The following GATAD2B variants were observed in gnomAD, a reference collection of about 807,000 sequenced individuals.
GATAD2B encodes the protein transcriptional repressor p66-beta.
Under a neutral mutation model 64.3 loss-of-function variants are expected in GATAD2B, and 8 were observed. That is an observed-to-expected ratio of 0.12 (90% CI 0.07 to 0.22). The LOEUF is 0.22. Ranked by LOEUF, GATAD2B falls within the 10% of genes least tolerant of loss-of-function variation. GATAD2B has a pLI of 1.00. For missense variants in GATAD2B, 453 were observed against 752.0 expected (o/e 0.60, Z 4.65); for synonymous variants, 281 against 271.3 (o/e 1.04, Z -0.35).
chr1:153,819,580 A>C (rs1489764008), intron 3 of GATAD2B, 26 bp downstream of exon 3: 1 of 1,530,308 alleles, frequency 6.5e-7, no homozygotes, highest in East Asian at 2.3e-5. Flanking sequence ...CATAACAAGA[A>C]GAAAGAAATT....
intron 1 of GATAD2B, among the ~76,000 whole-genome samples, chr1:153,898,306 C>CA (rs11373311): frequency 0.53 from 42,764 of 80,398 alleles, 9,178 homozygotes; most frequent in South Asian, 0.65. Context: ...CAGCCTGTCT[C>CA]AAAAAAAAAA....
intron 1 of GATAD2B, among the ~76,000 whole-genome samples, chr1:153,914,947 G>C (rs1404695992): frequency 6.6e-6 from 1 of 152,114 alleles, no homozygotes; most frequent in Admixed American, 6.6e-5. Flanking sequence ...AAAAAGGCCA[G>C]GAGCAGTGGC....
chr1:153,829,692 C>T (rs1303732500), intron 1 of GATAD2B, among the ~76,000 whole-genome samples: 2 of 152,074 alleles, frequency 1.3e-5, no homozygotes, highest in Non-Finnish European at 2.9e-5. Context: ...GCTGAGATCT[C>T]GCCACTGCAC....
At chr1:153,896,844 A>G (rs935137666) in intron 1 of GATAD2B, among the ~76,000 whole-genome samples, 11 of 152,062 alleles carry the variant, frequency 7.2e-5, no homozygotes, top group African/African-American at 2.7e-4. Flanking sequence ...ACATCCATAA[A>G]TTTCTTAAGG....
chr1:153,811,678 A>G, intron 10 of GATAD2B, 53 bp downstream of exon 10: 1 of 1,069,454 alleles, frequency 9.4e-7, no homozygotes, highest in Non-Finnish European at 1.5e-6. Context: ...ACAGAACTGT[A>G]TACTAACTAA....
intron 1 of GATAD2B, among the ~76,000 whole-genome samples, chr1:153,870,712 T>C (rs1009551179): frequency 2.0e-5 from 3 of 152,236 alleles, no homozygotes; most frequent in African/African-American, 7.2e-5. Context: ...TTAAGGTATA[T>C]ATGAAACAAA....
chr1:153,883,806 T>A (rs747631658), intron 1 of GATAD2B, among the ~76,000 whole-genome samples: 1 of 152,062 alleles, frequency 6.6e-6, no homozygotes, highest in Non-Finnish European at 1.5e-5. Flanking sequence ...ATCTTCAACA[T>A]TGTAGAGGCT....
intron 1 of GATAD2B, among the ~76,000 whole-genome samples, chr1:153,916,192 A>C (rs547004735): frequency 6.6e-6 from 1 of 151,562 alleles, no homozygotes; most frequent in Non-Finnish European, 1.5e-5. Flanking sequence ...GAAGCAGAAC[A>C]ATCACTTGAA....
intron 1 of GATAD2B, chr1:153,914,614 C>T (rs1434099051): frequency 6.6e-6 from 1 of 152,148 alleles, no homozygotes; most frequent in East Asian, 1.9e-4. Flanking sequence ...AGGCACCATG[C>T]TAGGCAATGG....
At chr1:153,855,485 C>T (rs1374014188) in intron 1 of GATAD2B, among the ~76,000 whole-genome samples, 3 of 152,176 alleles carry the variant, frequency 2.0e-5, no homozygotes, top group Non-Finnish European at 4.4e-5. Flanking sequence ...CACCTTCCCC[C>T]TCCCAAAGTG....
chr1:153,848,417 G>A (rs766071507), intron 1 of GATAD2B, among the ~76,000 whole-genome samples: 4 of 152,052 alleles, frequency 2.6e-5, no homozygotes, highest in Non-Finnish European at 4.4e-5. Context: ...CTTCCTTCTT[G>A]AACTGCTTTC....
At chr1:153,917,136 T>C (rs1032057433) in intron 1 of GATAD2B, among the ~76,000 whole-genome samples, 6 of 149,628 alleles carry the variant, frequency 4.0e-5, no homozygotes, top group African/African-American at 1.5e-4. Flanking sequence ...TCACACGCTG[T>C]CACCCAGGCT....
chr1:153,911,274 GAA>G (rs149596779), intron 1 of GATAD2B, among the ~76,000 whole-genome samples: 1,735 of 152,050 alleles, frequency 0.011, 16 homozygotes, highest in Non-Finnish European at 0.017. Flanking sequence ...TTTTTTTAAA[GAA>G]AGACAGAGAG....
intron 2 of GATAD2B, among the ~76,000 whole-genome samples, chr1:153,822,854 C>T (rs1414420339): frequency 6.6e-6 from 1 of 151,868 alleles, no homozygotes; most frequent in African/African-American, 2.4e-5. Context: ...ACTCTGTCAC[C>T]CAGGAAGGAG....
intron 1 of GATAD2B, among the ~76,000 whole-genome samples, chr1:153,915,949 T>TA (rs1268887364): frequency 5.3e-5 from 8 of 152,218 alleles, no homozygotes; most frequent in African/African-American, 1.7e-4. Context: ...CAGTAAGTGT[T>TA]AGACTATTTT....
intron 7 of GATAD2B, 104 bp from the exon 8 acceptor site, chr1:153,813,556 A>C: frequency 1.3e-6 from 1 of 752,006 alleles, no homozygotes; most frequent in Non-Finnish European, 2.2e-6. Flanking sequence ...GAATTAAAGA[A>C]AGAGACTTTA....
At chr1:153,873,776 T>G (rs1676742278) in intron 1 of GATAD2B, among the ~76,000 whole-genome samples, 1 of 152,176 alleles carries the variant, frequency 6.6e-6, no homozygotes, top group South Asian at 2.1e-4. Context: ...AGACCCCATC[T>G]CTACAAAACA....
intron 1 of GATAD2B, among the ~76,000 whole-genome samples, chr1:153,855,724 G>C (rs1273686902): frequency 6.6e-6 from 1 of 151,918 alleles, no homozygotes; most frequent in African/African-American, 2.4e-5. Flanking sequence ...ACCTGGGCTG[G>C]AGTACAGTGG....
intron 1 of GATAD2B, among the ~76,000 whole-genome samples, chr1:153,850,023 T>C (rs1468409692): frequency 6.6e-6 from 1 of 152,194 alleles, no homozygotes; most frequent in East Asian, 1.9e-4. Context: ...GTGACTCTTA[T>C]TCATGGTAAA....
Sources: gnomAD v4.1 joint callset for allele counts (sites outside exome capture counted in the v4.1 genomes callset) on GRCh38, gnomAD v4.1.1 for gene constraint, MANE v1.5 for transcripts, NCBI Gene and HGNC (gene_info 2026-07-23, HGNC 2026-07-21) for gene names.